CAMKMT: variants seen among roughly 807,000 people sequenced by gnomAD.
CAMKMT encodes calmodulin-lysine N-methyltransferase, also known as CaM KMT.
Under a neutral mutation model 48.0 loss-of-function variants are expected in CAMKMT, and 53 were observed. That is an observed-to-expected ratio of 1.10 (90% CI 0.89 to 1.39). The LOEUF (loss-of-function observed/expected upper bound fraction) is 1.39, where lower values mean the gene tolerates loss of function less well. CAMKMT is among the 40% of genes most tolerant of loss of function. The probability of loss-of-function intolerance (pLI) is 0.00; values close to 1 mark genes in which losing one functional copy is unlikely to be tolerated. For synonymous variants in CAMKMT, 165 were observed against 152.3 expected (o/e 1.08, Z -0.61); for missense variants, 428 against 402.7 (o/e 1.06, Z -0.54).
intron 3 of CAMKMT, among the ~76,000 whole-genome samples, chr2:44,455,730 G>A (rs1280782642): frequency 2.6e-5 from 4 of 152,156 alleles, no homozygotes; most frequent in African/African-American, 9.7e-5. Flanking sequence ...CCCAGGGTTA[G>A]TATAAGGATC....
At chr2:44,379,707 T>A (rs1680050537) in intron 2 of CAMKMT, among the ~76,000 whole-genome samples, 1 of 152,148 alleles carries the variant, frequency 6.6e-6, no homozygotes, top group Non-Finnish European at 1.5e-5. Flanking sequence ...TATTGGCCAT[T>A]TGTATTTTTT....
intron 6 of CAMKMT, among the ~76,000 whole-genome samples, chr2:44,709,667 C>G (rs1367249512): frequency 6.6e-6 from 1 of 152,022 alleles, no homozygotes; most frequent in Admixed American, 6.6e-5. Context: ...AACTAATTCA[C>G]TGAATCACAT....
intron 3 of CAMKMT, among the ~76,000 whole-genome samples, chr2:44,438,040 T>A (rs1343211502): frequency 6.6e-6 from 1 of 152,132 alleles, no homozygotes; most frequent in Admixed American, 6.5e-5. Context: ...TTTATATGTA[T>A]TAGTTTACAT....
intron 3 of CAMKMT, among the ~76,000 whole-genome samples, chr2:44,464,749 G>A (rs1193275968): frequency 2.6e-5 from 4 of 152,092 alleles, no homozygotes; most frequent in Non-Finnish European, 5.9e-5. Context: ...AGATGAAGGA[G>A]AAATAAAGAC....
At chr2:44,713,818 A>T (rs1167032459) in intron 6 of CAMKMT, among the ~76,000 whole-genome samples, 1 of 152,156 alleles carries the variant, frequency 6.6e-6, no homozygotes, top group Non-Finnish European at 1.5e-5. Flanking sequence ...GATTTGGGTT[A>T]AAAAGTCCTG....
At chr2:44,629,749 C>T (rs888936513) in intron 3 of CAMKMT, among the ~76,000 whole-genome samples, 4 of 152,106 alleles carry the variant, frequency 2.6e-5, no homozygotes, top group African/African-American at 7.2e-5. Context: ...TAAAAGAGGA[C>T]ACAAACAAAT....
At chr2:44,593,763 CT>C (rs61603790) in intron 3 of CAMKMT, among the ~76,000 whole-genome samples, 80 of 122,660 alleles carry the variant, frequency 6.5e-4, no homozygotes, top group South Asian at 7.8e-4. Context: ...AGACAACTTC[CT>C]TTTTTTTTTT....
At chr2:44,511,047 G>T (rs865846701) in intron 3 of CAMKMT, among the ~76,000 whole-genome samples, 5 of 152,074 alleles carry the variant, frequency 3.3e-5, no homozygotes, top group Middle Eastern at 3.4e-3. Context: ...CACCATATTG[G>T]CCAGGTTGGT....
At chr2:44,698,492 A>C (rs1677085082) in intron 3 of CAMKMT, among the ~76,000 whole-genome samples, 1 of 152,240 alleles carries the variant, frequency 6.6e-6, no homozygotes, top group African/African-American at 2.4e-5. Flanking sequence ...GGTGCATATA[A>C]AAGTTTGCAC....
chr2:44,436,708 C>T (rs1666282702), intron 3 of CAMKMT, among the ~76,000 whole-genome samples: 1 of 151,764 alleles, frequency 6.6e-6, no homozygotes, highest in African/African-American at 2.4e-5. Flanking sequence ...GTCAGTAAGC[C>T]CTATAGGTAT....
chr2:44,509,039 T>G (rs1405082399), intron 3 of CAMKMT, among the ~76,000 whole-genome samples: 5 of 150,308 alleles, frequency 3.3e-5, no homozygotes, highest in African/African-American at 9.8e-5. Context: ...GAGGTTGCAG[T>G]GAGCCGAGAT....
At position 44,626,229 on chromosome 2, in the gene CAMKMT, A is replaced by C. The variant is rs187531646; in HGVS notation, c.377-78054A>C. On this transcript the variant is annotated intron_variant, in intron 3 of 10. Transcript: ENST00000378494. ...GTGTTTTGTAGTTTTCAGTGAACAG[A>C]TCTTGTACACCCACTCCGATGTGCA... Among the ~76,000 whole-genome samples the C allele has an allele frequency of 4.6e-5, 7 of 152,252 alleles. No individual in the cohort carries two copies. The East Asian group carries it at 1.3e-3, about 29-fold the overall frequency.
intron 3 of CAMKMT, chr2:44,549,561 G>T (rs188201128): frequency 7.2e-6 from 5 of 693,464 alleles, no homozygotes; most frequent in African/African-American, 1.8e-5. Context: ...TTAGACACAG[G>T]GTCTCACTCT....
intron 3 of CAMKMT, among the ~76,000 whole-genome samples, chr2:44,473,861 C>T (rs1057265314): frequency 2.0e-5 from 3 of 152,112 alleles, no homozygotes; most frequent in African/African-American, 7.2e-5. Flanking sequence ...TACTGGGATA[C>T]CCGTCATTTA....
chr2:44,613,545 T>A (rs1438112956), intron 3 of CAMKMT, among the ~76,000 whole-genome samples: 2 of 152,178 alleles, frequency 1.3e-5, no homozygotes, highest in Admixed American at 6.5e-5. Context: ...AGCACTGTGT[T>A]TAACTCATCA....
intron 3 of CAMKMT, among the ~76,000 whole-genome samples, chr2:44,544,202 T>C (rs1269535541): frequency 6.6e-6 from 1 of 152,152 alleles, no homozygotes; most frequent in Non-Finnish European, 1.5e-5. Context: ...GAAATTCTTT[T>C]CCTGTGTCAA....
intron 3 of CAMKMT, among the ~76,000 whole-genome samples, chr2:44,549,939 T>C (rs1667616423): frequency 6.6e-6 from 1 of 152,112 alleles, no homozygotes; most frequent in African/African-American, 2.4e-5. Flanking sequence ...ATTTTTGAAA[T>C]AGGATAGATT....
chr2:44,558,150 G>T (rs1668123125), intron 3 of CAMKMT, among the ~76,000 whole-genome samples: 1 of 152,056 alleles, frequency 6.6e-6, no homozygotes, highest in African/African-American at 2.4e-5. Context: ...GAACTCCTGG[G>T]CTCAAGTGAT....
At chr2:44,471,539 G>A (rs1668418896) in intron 3 of CAMKMT, among the ~76,000 whole-genome samples, 1 of 151,954 alleles carries the variant, frequency 6.6e-6, no homozygotes, top group Admixed American at 6.6e-5. Context: ...GGTGGAGGCT[G>A]CAGAGAGCCA....
Sources: allele counts gnomAD v4.1 joint callset (sites outside exome capture counted in the v4.1 genomes callset), GRCh38; gene constraint gnomAD v4.1.1; transcripts MANE v1.5; gene names NCBI Gene and HGNC (gene_info 2026-07-23, HGNC 2026-07-21).